The following TSHZ2 variants were observed in gnomAD, a reference collection of about 807,000 sequenced individuals.
The protein encoded by TSHZ2 is teashirt zinc finger homeobox 2.
Under a neutral mutation model 74.4 loss-of-function variants are expected in TSHZ2, and 21 were observed. The observed-to-expected ratio is 0.28, with a 90% CI of 0.20 to 0.41. The LOEUF (loss-of-function observed/expected upper bound fraction) is 0.41. Ranked by LOEUF, TSHZ2 falls within the 10% of genes least tolerant of loss-of-function variation. TSHZ2 has a pLI of 1.00. For missense variants in TSHZ2, 1,244 were observed against 1,293.5 expected (o/e 0.96, Z 0.59); for synonymous variants, 540 against 515.3 (o/e 1.05, Z -0.65).
intron 1 of TSHZ2, among the ~76,000 whole-genome samples, chr20:53,222,751 G>C (rs747545615): frequency 3.9e-5 from 6 of 152,162 alleles, no homozygotes; most frequent in Non-Finnish European, 5.9e-5. Context: ...CTAATATGAG[G>C]CTTAGCCACA....
At chr20:53,052,529 G>T (rs933106277) in intron 1 of TSHZ2, among the ~76,000 whole-genome samples, 4 of 152,134 alleles carry the variant, frequency 2.6e-5, no homozygotes, top group Non-Finnish European at 4.4e-5. Context: ...TGGAAAAATT[G>T]TCTTCCACGA....
At chr20:53,250,249 C>T (rs1185906453) in intron 1 of TSHZ2, among the ~76,000 whole-genome samples, 1 of 152,194 alleles carries the variant, frequency 6.6e-6, no homozygotes, top group Non-Finnish European at 1.5e-5. Flanking sequence ...TGATAGTTTT[C>T]TTTCATTAAA....
chr20:53,096,733 T>G (rs1053383335), intron 1 of TSHZ2, among the ~76,000 whole-genome samples: 1 of 151,676 alleles, frequency 6.6e-6, no homozygotes, highest in Non-Finnish European at 1.5e-5. Context: ...AATACAAAAC[T>G]TAGCTGGGCG....
In TSHZ2 at chr20:53,411,938, A is replaced by G. The variant is rs80332460; in HGVS notation, c.*9-75206A>G. On this transcript the variant is annotated intron_variant, in intron 2 of 2. Coordinates refer to ENST00000371497, the MANE Select transcript of TSHZ2 (RefSeq NM_173485.6). ...GAGTCCCACACATAATGAGCATTAA[A>G]TAAATGTTAAAACATGCATACATGT... is the stretch of plus-strand genomic sequence containing the variant. Among the ~76,000 whole-genome samples, 512 of 152,382 alleles carry G rather than the reference A, an allele frequency of 3.4e-3. 2 individuals carry two copies. Among genetic ancestry groups the G allele is most frequent in the African/African-American group, 0.012 (487 of 41,596 alleles).
intron 1 of TSHZ2, among the ~76,000 whole-genome samples, chr20:53,114,447 A>T (rs952352089): frequency 6.8e-6 from 1 of 148,124 alleles, no homozygotes; most frequent in Non-Finnish European, 1.5e-5. Flanking sequence ...ACGATATGTC[A>T]TGAAGAAGAA....
chr20:53,237,303 G>A (rs995465504), intron 1 of TSHZ2, among the ~76,000 whole-genome samples: 2 of 152,158 alleles, frequency 1.3e-5, no homozygotes, highest in African/African-American at 4.8e-5. Context: ...AGTTTTTTGT[G>A]TGTGTTTGGA....
intron 2 of TSHZ2, among the ~76,000 whole-genome samples, chr20:53,465,121 G>A (rs1223251049): frequency 6.6e-6 from 1 of 152,296 alleles, no homozygotes; most frequent in African/African-American, 2.4e-5. Context: ...GCTTCACTGG[G>A]AAATGGCTGT....
At chr20:53,052,274 G>A (rs547238973) in intron 1 of TSHZ2, among the ~76,000 whole-genome samples, 1 of 152,118 alleles carries the variant, frequency 6.6e-6, no homozygotes, top group Non-Finnish European at 1.5e-5. Flanking sequence ...TAGCACAGGG[G>A]TCCTCAACCC....
At chr20:53,479,169 T>TA (rs71194483) in intron 2 of TSHZ2, among the ~76,000 whole-genome samples, 3,637 of 126,144 alleles carry the variant, frequency 0.029, 118 homozygotes, top group East Asian at 0.11. Flanking sequence ...TGTCTCAATT[T>TA]AAAAAAAAAA....
At chr20:53,328,233 G>C (rs778532594) in intron 2 of TSHZ2, among the ~76,000 whole-genome samples, 5 of 152,172 alleles carry the variant, frequency 3.3e-5, no homozygotes, top group Non-Finnish European at 7.3e-5. Context: ...CATCTGTGCT[G>C]TATTTTATAA....
At chr20:53,386,892 T>A (rs935547059) in intron 2 of TSHZ2, among the ~76,000 whole-genome samples, 9 of 152,082 alleles carry the variant, frequency 5.9e-5, no homozygotes, top group South Asian at 2.1e-4. Context: ...TTTTTTTTTT[T>A]AAATGAAATG....
At chr20:53,031,258 G>T (rs1164102193) in intron 1 of TSHZ2, among the ~76,000 whole-genome samples, 1 of 152,192 alleles carries the variant, frequency 6.6e-6, no homozygotes, top group Non-Finnish European at 1.5e-5. Flanking sequence ...ATCGCAGCCT[G>T]TCATGTCTGG....
intron 1 of TSHZ2, among the ~76,000 whole-genome samples, chr20:53,103,466 G>A (rs1986274956): frequency 6.6e-6 from 1 of 152,106 alleles, no homozygotes; most frequent in Admixed American, 6.5e-5. Context: ...AAGACAAAAT[G>A]TCATTCCAAA....
At chr20:53,156,310 CTTATA>C (rs1193376910) in intron 1 of TSHZ2, among the ~76,000 whole-genome samples, 7 of 152,154 alleles carry the variant, frequency 4.6e-5, no homozygotes, top group Admixed American at 6.5e-5. Context: ...TCTTCCTACA[CTTATA>C]TACACAAAAT....
At position 53,488,010 on chromosome 20, in the gene TSHZ2, A is replaced by G. The variant is rs1439324810; in HGVS notation, c.*875A>G. ...GAACGCGAGAAGATGAGATCATTAC[A>G]GGGTGGAAAGTTCTGCAGCAGCCTT... is the stretch of plus-strand genomic sequence containing the variant. On this transcript the variant is annotated 3_prime_UTR_variant, in exon 3 of 3. Transcript: ENST00000371497. 1.3e-5 allele frequency: 2 copies of G among 152,234 alleles called. No homozygotes were observed. Among genetic ancestry groups the G allele is most frequent in the Non-Finnish European group, 1.5e-5 (1 of 68,034 alleles). The allele number at this position is 152,234 out of a possible 1,614,324, so 9.4% of individuals were successfully genotyped here. A position where few individuals can be genotyped will look rare whatever the true frequency, so the allele number is the denominator to read the frequency against.
intron 2 of TSHZ2, among the ~76,000 whole-genome samples, chr20:53,429,804 T>C (rs1207689555): frequency 6.6e-6 from 1 of 152,200 alleles, no homozygotes; most frequent in Non-Finnish European, 1.5e-5. Flanking sequence ...TATGTATTTA[T>C]TTTAAAGCAT....
At chr20:53,233,321 A>G (rs949133404) in intron 1 of TSHZ2, among the ~76,000 whole-genome samples, 4 of 152,246 alleles carry the variant, frequency 2.6e-5, no homozygotes, top group Non-Finnish European at 4.4e-5. Context: ...AGAATTTAAC[A>G]ATTACACAAA....
intron 1 of TSHZ2, among the ~76,000 whole-genome samples, chr20:53,079,296 G>A (rs1985458246): frequency 6.6e-6 from 1 of 152,184 alleles, no homozygotes; most frequent in African/African-American, 2.4e-5. Flanking sequence ...GTAGACCAAT[G>A]GGAGGAGAAG....
At chr20:53,304,000 C>T (rs1303411448) in intron 2 of TSHZ2, among the ~76,000 whole-genome samples, 1 of 151,952 alleles carries the variant, frequency 6.6e-6, no homozygotes, top group Non-Finnish European at 1.5e-5. Flanking sequence ...ATTGACCATC[C>T]CCAACCTTCA....
Sources: allele counts gnomAD v4.1 joint callset (sites outside exome capture counted in the v4.1 genomes callset), GRCh38; gene constraint gnomAD v4.1.1; transcripts MANE v1.5; gene names NCBI Gene and HGNC (gene_info 2026-07-23, HGNC 2026-07-21).